The following PPP4R2 variants were observed in gnomAD, a reference collection of about 807,000 sequenced individuals.
PPP4R2 encodes the protein protein phosphatase 4 regulatory subunit 2, also known as serine/threonine-protein phosphatase 4 regulatory subunit 2.
Under a neutral mutation model 47.2 loss-of-function variants are expected in PPP4R2, and 13 were observed. The observed-to-expected ratio is 0.28, with a 90% CI of 0.18 to 0.44. The LOEUF is 0.44. PPP4R2 is among the 20% of genes least tolerant of loss of function. The probability of loss-of-function intolerance (pLI) is 1.00; values close to 1 mark genes in which losing one functional copy is unlikely to be tolerated. For missense variants in PPP4R2, 421 were observed against 491.2 expected (o/e 0.86, Z 1.35); for synonymous variants, 151 against 163.3 (o/e 0.92, Z 0.57).
At chr3:73,047,569 A>T (rs923955191) in intron 3 of PPP4R2, among the ~76,000 whole-genome samples, 1 of 152,246 alleles carries the variant, frequency 6.6e-6, no homozygotes, top group Non-Finnish European at 1.5e-5. Context: ...TATAGGTATC[A>T]GTGGAAACAG....
At chr3:73,026,855 T>A (rs1056331931) in intron 2 of PPP4R2, among the ~76,000 whole-genome samples, 4 of 152,198 alleles carry the variant, frequency 2.6e-5, no homozygotes, top group Non-Finnish European at 5.9e-5. Flanking sequence ...GATGTCATGA[T>A]GTAATTAGAG....
At chr3:73,032,434 A>G (rs1702183420) in intron 2 of PPP4R2, among the ~76,000 whole-genome samples, 1 of 151,922 alleles carries the variant, frequency 6.6e-6, no homozygotes, top group African/African-American at 2.4e-5. Flanking sequence ...GATTACAGGC[A>G]GGCACCACCA....
At chr3:73,060,138 A>T (rs1005458027) in intron 4 of PPP4R2, among the ~76,000 whole-genome samples, 5 of 152,138 alleles carry the variant, frequency 3.3e-5, no homozygotes, top group Non-Finnish European at 7.3e-5. Flanking sequence ...GTTCAAATCC[A>T]CTTTATTTTA....
At chr3:73,047,535 C>T (rs1404280088) in intron 3 of PPP4R2, among the ~76,000 whole-genome samples, 179 bp downstream of exon 3, 16 of 152,162 alleles carry the variant, frequency 1.1e-4, no homozygotes, top group African/African-American at 3.6e-4. Flanking sequence ...TTTGTAGCCT[C>T]TTAAAAAACT....
intron 2 of PPP4R2, among the ~76,000 whole-genome samples, chr3:73,040,511 T>C (rs982213891): frequency 6.6e-6 from 1 of 150,400 alleles, no homozygotes. Flanking sequence ...TTTTTTTTTT[T>C]TTTTTTTGGA....
chr3:72,997,171 C>T (rs564351853), intron 1 of PPP4R2, 100 bp downstream of exon 1: 2 of 1,010,830 alleles, frequency 2.0e-6, no homozygotes, highest in East Asian at 6.5e-5. Context: ...CCGGGCGCGG[C>T]GTGGGGAGAG....
chr3:73,026,647 A>G (rs1702070058), intron 2 of PPP4R2, among the ~76,000 whole-genome samples: 1 of 152,188 alleles, frequency 6.6e-6, no homozygotes, highest in South Asian at 2.1e-4. Context: ...GCAGCTTTGA[A>G]TGTGACCCAA....
chr3:73,009,623 ATTAG>A (rs1310716179), intron 2 of PPP4R2, among the ~76,000 whole-genome samples: 2 of 138,776 alleles, frequency 1.4e-5, no homozygotes, highest in African/African-American at 6.9e-5. Flanking sequence ...TTCAGATCTC[ATTAG>A]TAAGAAGATA....
At position 73,047,440 on chromosome 3, in the gene PPP4R2, A is replaced by ATGAT. The variant is rs1702507530; in HGVS notation, c.287+90_287+93dup. ...CTTTTAGTTTTGATGTGTCTGGTTG[A>ATGAT]TGATTGATTATCCATTAGAATAAAT... On this transcript the variant is annotated intron_variant, in intron 3 of 8. Coordinates refer to ENST00000356692, the MANE Select transcript of PPP4R2 (RefSeq NM_174907.4). 10 of 815,474 alleles carry ATGAT rather than the reference A, an allele frequency of 1.2e-5. No individual in the cohort carries two copies. The South Asian group carries it at 2.0e-4, about 16-fold the overall frequency. The allele number at this position is 815,474 out of a possible 1,614,324, so 50.5% of individuals were successfully genotyped here. A position where few individuals can be genotyped will look rare whatever the true frequency, so the allele number is the denominator to read the frequency against.
intron 5 of PPP4R2, chr3:73,062,334 C>T: frequency 6.2e-7 from 1 of 1,606,780 alleles, no homozygotes; most frequent in African/African-American, 1.3e-5. Context: ...GAAAAACAGA[C>T]AGTATCCACT....
chr3:73,029,287 C>G (rs1702125895), intron 2 of PPP4R2, among the ~76,000 whole-genome samples: 1 of 152,128 alleles, frequency 6.6e-6, no homozygotes, highest in African/African-American at 2.4e-5. Context: ...CAGACTTAAG[C>G]ATTAAAAGAA....
intron 2 of PPP4R2, chr3:73,015,786 C>A (rs1237191999): frequency 4.5e-6 from 2 of 442,420 alleles, no homozygotes; most frequent in Admixed American, 4.8e-5. Context: ...TACAGGCTCC[C>A]GCCACCATGC....
At chr3:73,007,055 T>G (rs1047280731) in intron 2 of PPP4R2, among the ~76,000 whole-genome samples, 2 of 152,220 alleles carry the variant, frequency 1.3e-5, no homozygotes, top group African/African-American at 4.8e-5. Context: ...GATGAAAAAC[T>G]GTAGCACCAC....
chr3:73,069,074 A>G lies in PPP4R2; in HGVS notation c.*3352A>G, dbSNP rs1176785972. The stretch of plus-strand genomic sequence containing the variant: ...TGCTAGTATGTATTGGTTAGACTAC[A>G]TCTTACTATTTCACATTTTAAAAAT... On this transcript the variant is annotated 3_prime_UTR_variant, in exon 9 of 9. Transcript: ENST00000356692. The G allele has an allele frequency of 1.3e-5, 2 of 152,196 alleles. No homozygotes were observed. Among genetic ancestry groups the G allele is most frequent in the East Asian group, 1.9e-4 (1 of 5,198 alleles). The allele number at this position is 152,196 out of a possible 1,614,324, so 9.4% of individuals were successfully genotyped here.
chr3:73,063,597 C>A, intron 5 of PPP4R2, 76 bp from the exon 6 acceptor site: 1 of 820,600 alleles, frequency 1.2e-6, no homozygotes, highest in Non-Finnish European at 2.1e-6. Context: ...GCACTCCATT[C>A]CACCTTGGGT....
At chr3:73,051,142 A>G (rs1387366635) in intron 3 of PPP4R2, among the ~76,000 whole-genome samples, 1 of 152,058 alleles carries the variant, frequency 6.6e-6, no homozygotes, top group African/African-American at 2.4e-5. Context: ...CTTGAATTCC[A>G]GACCTCAGGT....
chr3:73,002,413 T>C (rs986615700), intron 2 of PPP4R2, among the ~76,000 whole-genome samples: 4 of 152,066 alleles, frequency 2.6e-5, no homozygotes, highest in Admixed American at 2.6e-4. Context: ...CATGCCACGA[T>C]GCCTGGCTAA....
intron 2 of PPP4R2, among the ~76,000 whole-genome samples, chr3:73,040,401 C>T (rs983955481): frequency 4.6e-5 from 7 of 151,976 alleles, no homozygotes; most frequent in Non-Finnish European, 8.8e-5. Context: ...AGAAATCTAT[C>T]CTCAGGTGAT....
chr3:73,058,787 C>CCCCT (rs1315975197), intron 3 of PPP4R2, among the ~76,000 whole-genome samples: 1 of 145,176 alleles, frequency 6.9e-6, no homozygotes, highest in African/African-American at 2.5e-5. Flanking sequence ...TAACCATTCC[C>CCCCT]CCCTCCCTCC....
Sources: gnomAD v4.1 joint callset for allele counts (sites outside exome capture counted in the v4.1 genomes callset) on GRCh38, gnomAD v4.1.1 for gene constraint, MANE v1.5 for transcripts, NCBI Gene and HGNC (gene_info 2026-07-23, HGNC 2026-07-21) for gene names.